The following IQCH variants were observed in gnomAD, a reference collection of about 807,000 sequenced individuals.
The protein encoded by IQCH is IQ motif containing H.
Under a neutral mutation model 117.0 loss-of-function variants are expected in IQCH, and 98 were observed. That is an observed-to-expected ratio of 0.84 (90% confidence interval 0.71 to 0.99). The LOEUF is 0.99. IQCH is among the 50% of genes least tolerant of loss of function. The pLI is 0.00. For synonymous variants in IQCH, 412 were observed against 448.2 expected (o/e 0.92, Z 1.02); for missense variants, 1,102 against 1,243.8 (o/e 0.89, Z 1.72).
At chr15:67,314,490 A>G (rs1431445244) in intron 4 of IQCH, among the ~76,000 whole-genome samples, 1 of 151,898 alleles carries the variant, frequency 6.6e-6, no homozygotes, top group Non-Finnish European at 1.5e-5. Flanking sequence ...AAATGAAAAA[A>G]AAAAAAAAAA....
chr15:67,327,569 G>T (rs1277609864), intron 4 of IQCH, among the ~76,000 whole-genome samples: 3 of 152,068 alleles, frequency 2.0e-5, no homozygotes, highest in Non-Finnish European at 2.9e-5. Context: ...GTATGTACAA[G>T]AACTTTTATT....
rs1281054048 is a variant in IQCH, at chr15:67,261,196, A to G, written c.52-76A>G. 7 of 1,069,384 alleles carry G rather than the reference A, an allele frequency of 6.5e-6. No homozygotes were observed. In the Admixed American group the frequency reaches 2.1e-4, roughly 32 times the overall value. 66.2% of individuals were successfully genotyped at this position (1,069,384 alleles called of 1,614,324 possible). ...CTCTACCAATTCAAGTACATTGCAA[A>G]CCTTTAAGATAAATAACTGCTATAG... On this transcript the variant is annotated intron_variant, in intron 1 of 20. Coordinates refer to ENST00000335894, the MANE Select transcript of IQCH (RefSeq NM_001031715.3).
In IQCH at chr15:67,421,670, C is replaced by G. The variant is rs1596344241; in HGVS notation, c.2505+93C>G. 8.1e-6 allele frequency: 10 copies of G among 1,228,832 alleles called. No homozygotes were observed. In the East Asian group the frequency reaches 2.4e-4, roughly 29 times the overall value. The allele number at this position is 1,228,832 out of a possible 1,614,324, so 76.1% of individuals were successfully genotyped here. A position where few individuals can be genotyped will look rare whatever the true frequency, so the allele number is the denominator to read the frequency against. ...TACAACAGGGCATATGAGGGCTCTTCTAAAATGCACTGATTCTCTGATGAA... is the reference window on the plus strand; with the variant it reads ...TACAACAGGGCATATGAGGGCTCTTGTAAAATGCACTGATTCTCTGATGAA... On this transcript the variant is annotated intron_variant, in intron 16 of 20. Coordinates refer to ENST00000335894, the MANE Select transcript of IQCH (RefSeq NM_001031715.3).
intron 4 of IQCH, among the ~76,000 whole-genome samples, chr15:67,311,941 G>A (rs990036839): frequency 2.6e-5 from 4 of 152,150 alleles, no homozygotes; most frequent in African/African-American, 9.7e-5. Context: ...GGGAATCCAG[G>A]AAGAGAGCCT....
chr15:67,393,981 G>C lies in IQCH; in HGVS notation c.1633-1310G>C, dbSNP rs1389287833. On this transcript the variant is annotated intron_variant, in intron 12 of 20. Coordinates refer to ENST00000335894, the MANE Select transcript of IQCH (RefSeq NM_001031715.3). This position sits in a 1 kb window ranked among gnomAD's most constrained non-coding sequence, Gnocchi z 5.5. ...TTTTTATTCTTATCTAACAGGTGAA[G>C]AAATAGGCTCAGGGGGTCTAAGTTA... Among the ~76,000 whole-genome samples, 1 of 152,106 alleles carries C rather than the reference G, an allele frequency of 6.6e-6. No homozygotes were observed. Among genetic ancestry groups the C allele is most frequent in the Non-Finnish European group, 1.5e-5 (1 of 68,010 alleles).
intron 16 of IQCH, among the ~76,000 whole-genome samples, chr15:67,423,117 C>G (rs1225277592): frequency 4.6e-5 from 7 of 152,184 alleles, no homozygotes; most frequent in African/African-American, 1.7e-4. Context: ...GTTCTCAGGC[C>G]TGTACATTGA....
rs1966599938 is a variant in IQCH at position 67,287,319 on chromosome 15, T to G, written c.387+7807T>G. Among the ~76,000 whole-genome samples, 3 of 152,196 alleles carry G rather than the reference T, an allele frequency of 2.0e-5. No homozygotes were observed. The South Asian group carries it at 6.2e-4, about 31-fold the overall frequency. Reference sequence around the variant, plus strand: ...TGGAAGTATTTCCTCTTCTTCTGTTTATTGGAATAGTTTGAGTAGGATTGG... The same window carrying G: ...TGGAAGTATTTCCTCTTCTTCTGTTGATTGGAATAGTTTGAGTAGGATTGG... On this transcript the variant is annotated intron_variant, in intron 4 of 20. Coordinates refer to ENST00000335894, the MANE Select transcript of IQCH (RefSeq NM_001031715.3).
intron 6 of IQCH, among the ~76,000 whole-genome samples, chr15:67,349,877 A>G (rs1193320274): frequency 6.6e-6 from 1 of 152,208 alleles, no homozygotes; most frequent in Non-Finnish European, 1.5e-5. Flanking sequence ...GGATACCACT[A>G]CATGAGGATA....
At chr15:67,304,448 A>G (rs143850388) in intron 4 of IQCH, 167 of 1,467,600 alleles carry the variant, frequency 1.1e-4, no homozygotes, top group Admixed American at 1.4e-4. Flanking sequence ...AATCAGAGAA[A>G]AGCATGTGTA....
intron 19 of IQCH, among the ~76,000 whole-genome samples, chr15:67,492,909 A>G (rs1479388550): frequency 1.3e-5 from 2 of 152,190 alleles, no homozygotes; most frequent in Non-Finnish European, 2.9e-5. Flanking sequence ...CCTAGCAGCA[A>G]GGTGGATCTG....
intron 4 of IQCH, among the ~76,000 whole-genome samples, chr15:67,279,858 C>T (rs528653235): frequency 1.1e-4 from 17 of 151,850 alleles, no homozygotes; most frequent in Non-Finnish European, 1.5e-4. Flanking sequence ...AAAAATTATC[C>T]GGGCGTGGTG....
chr15:67,372,214 C>T lies in IQCH; in HGVS notation c.857C>T (p.Ala286Val). 6.2e-7 allele frequency: 1 copy of T among 1,614,084 alleles called. No homozygotes were observed. The highest frequency in any genetic ancestry group is 1.3e-5 in the African/African-American group (1 of 75,040). Reference protein sequence around the residue: ...VIDNTAPDFLAFKEHFSLAWG... With the variant: ...VIDNTAPDFLVFKEHFSLAWG... Reference sequence around the variant, plus strand: ...GACAATACAGCCCCAGACTTCTTAGCATTCAAGGAACATTTTAGCTTAGCT... The same window carrying T: ...GACAATACAGCCCCAGACTTCTTAGTATTCAAGGAACATTTTAGCTTAGCT... The change falls in exon 9 of 21, where the codon GCA (alanine) becomes GTA (valine). Residue 286 changes from alanine to valine, a missense_variant. Physicochemically the swap from Ala to Val is moderately conservative, Grantham distance 64 (BLOSUM62 0). Around this residue, in one of 2 missense-constraint regions of IQCH, gnomAD observed 452 missense variants for 449.6 expected, o/e 1.01. Coordinates refer to ENST00000335894, the MANE Select transcript of IQCH (RefSeq NM_001031715.3).
In IQCH at chr15:67,365,740, G is replaced by A. The variant is rs1034262150; in HGVS notation, c.753+5855G>A. Among the ~76,000 whole-genome samples the A allele has an allele frequency of 2.0e-5, 3 of 152,154 alleles. No homozygotes were observed. The highest frequency in any genetic ancestry group is 1.3e-4 in the Admixed American group (2 of 15,278). On this transcript the variant is annotated intron_variant, in intron 8 of 20. Transcript: ENST00000335894. The surrounding 1 kb of genome is among the most constrained non-coding windows in gnomAD (Gnocchi z 4.4). ...AGGTCAGGAGTTCAAGACCAGCCTG[G>A]ACAACATGGTGAAACCCTATCTCTA...
rs926111677 is a variant in IQCH at position 67,496,038 on chromosome 15, T to C, written c.2970+1672T>C. Reference sequence around the variant, plus strand: ...AATAAAAATGGAAGGTGATTGAGGCTGGGCACAATGGCTCATGCCTGTAAT... The same window carrying C: ...AATAAAAATGGAAGGTGATTGAGGCCGGGCACAATGGCTCATGCCTGTAAT... On this transcript the variant is annotated intron_variant, in intron 20 of 20. Transcript: ENST00000335894. This position sits in a 1 kb window ranked among gnomAD's most constrained non-coding sequence, Gnocchi z 4.4. Among the ~76,000 whole-genome samples, 4 of 152,218 alleles carry C rather than the reference T, an allele frequency of 2.6e-5. No individual in the cohort carries two copies. The highest frequency in any genetic ancestry group is 5.9e-5 in the Non-Finnish European group (4 of 68,034).
At chr15:67,321,975 G>A (rs2140601634) in intron 4 of IQCH, among the ~76,000 whole-genome samples, 1 of 152,250 alleles carries the variant, frequency 6.6e-6, no homozygotes, top group Non-Finnish European at 1.5e-5. Flanking sequence ...TAAATGTTAG[G>A]CCCAGGTAGC....
intron 16 of IQCH, among the ~76,000 whole-genome samples, chr15:67,435,125 C>T (rs2082108444): frequency 1.3e-5 from 2 of 151,546 alleles, no homozygotes; most frequent in Admixed American, 1.3e-4. Flanking sequence ...AAAGTGCTGG[C>T]ATTACAGATG....
chr15:67,500,797 G>C lies in IQCH; in HGVS notation c.*51G>C, dbSNP rs746460101. Reference sequence around the variant, plus strand: ...TGGATCCCAGTCTGGAATAAAAAGGGCAATTTTTTTTTCTGTTAGAAATAA... The same window carrying C: ...TGGATCCCAGTCTGGAATAAAAAGGCCAATTTTTTTTTCTGTTAGAAATAA... On this transcript the variant is annotated 3_prime_UTR_variant, in exon 21 of 21. Coordinates refer to ENST00000335894, the MANE Select transcript of IQCH (RefSeq NM_001031715.3). This position sits in a 1 kb window ranked among gnomAD's most constrained non-coding sequence, Gnocchi z 4.4. 4.2e-5 allele frequency: 41 copies of C among 979,172 alleles called. No individual in the cohort carries two copies. Among genetic ancestry groups the C allele is most frequent in the Non-Finnish European group, 6.2e-5 (41 of 657,860 alleles). 60.7% of individuals were successfully genotyped at this position (979,172 alleles called of 1,614,324 possible).
chr15:67,306,339 C>T (rs1450250867), intron 4 of IQCH, among the ~76,000 whole-genome samples: 2 of 152,058 alleles, frequency 1.3e-5, no homozygotes, highest in African/African-American at 4.8e-5. Flanking sequence ...AGTAATGTGT[C>T]TAGCATTGGG....
At position 67,359,870 on chromosome 15, in the gene IQCH, A is replaced by G; in HGVS notation, c.738A>G (p.Gly246=). The G allele has an allele frequency of 6.2e-7, 1 of 1,612,686 alleles. No homozygotes were observed. The highest frequency in any genetic ancestry group is 1.3e-5 in the African/African-American group (1 of 74,994). ...AGGGGAAAAGCAGAAGGTCAAGAGG[A>G]CATCATGATAGGAAGGTCTGTAATT... The part of the protein sequence containing the change: ...RSKGKSRRSR[G]HHDRKAMKVK... Residue 246 remains glycine (G), a synonymous_variant, in exon 8 of 21, where the codon GGA becomes GGG. Transcript: ENST00000335894. The surrounding 1 kb of genome is among the most constrained non-coding windows in gnomAD (Gnocchi z 4.5).
Sources: allele counts gnomAD v4.1 joint callset (sites outside exome capture counted in the v4.1 genomes callset), GRCh38; gene constraint gnomAD v4.1.1; regional missense constraint gnomAD v4.1.1; non-coding constraint Gnocchi (gnomAD v3.1); transcripts MANE v1.5; gene names NCBI Gene and HGNC (gene_info 2026-07-23, HGNC 2026-07-21).